The following ERLIN2 variants were observed in gnomAD, a reference collection of about 807,000 sequenced individuals.
ERLIN2 encodes erlin-2.
Under a neutral mutation model 41.5 loss-of-function variants are expected in ERLIN2, and 22 were observed. That is an observed-to-expected ratio of 0.53 (90% CI 0.38 to 0.76). ERLIN2 has a LOEUF of 0.76. Ranked by LOEUF, ERLIN2 falls within the 30% of genes least tolerant of loss-of-function variation. ERLIN2 has a pLI of 0.00. For missense variants in ERLIN2, 247 were observed against 414.3 expected (o/e 0.60, Z 3.51); for synonymous variants, 149 against 150.9 (o/e 0.99, Z 0.09).
chr8:37,738,682 T>C (rs925676348), intron 2 of ERLIN2, among the ~76,000 whole-genome samples: 3 of 152,146 alleles, frequency 2.0e-5, no homozygotes, highest in Non-Finnish European at 4.4e-5. Flanking sequence ...GCCCAGGAGA[T>C]TGAGACCAGC....
At chr8:37,746,694 C>A in intron 6 of ERLIN2, 1 of 218,768 alleles carries the variant, frequency 4.6e-6, no homozygotes, top group Non-Finnish European at 7.8e-6. Flanking sequence ...CGGATCTGAG[C>A]TGTCTTACCC....
At chr8:37,751,821 A>C in intron 10 of ERLIN2, 106 bp downstream of exon 10, 17 of 844,982 alleles carry the variant, frequency 2.0e-5, no homozygotes, top group Non-Finnish European at 3.2e-5. Context: ...CAAGGATGTC[A>C]TGATCTCTGT....
chr8:37,753,424 A>G, intron 10 of ERLIN2, 26 bp from the exon 11 acceptor site: 3 of 1,603,302 alleles, frequency 1.9e-6, no homozygotes, highest in Non-Finnish European at 1.7e-6. Flanking sequence ...CACTTCACCA[A>G]GTTCACTGCA....
intron 4 of ERLIN2, among the ~76,000 whole-genome samples, chr8:37,742,883 A>G (rs1055372792): frequency 2.0e-5 from 3 of 152,270 alleles, no homozygotes; most frequent in Non-Finnish European, 4.4e-5. Flanking sequence ...AAAGGTTTTT[A>G]GCAGATAAAT....
In ERLIN2 at chr8:37,757,786, A is replaced by T. The variant is rs1803393102; in HGVS notation, c.*3671A>T. 6.6e-6 allele frequency: 1 copy of T among 152,232 alleles called. No individual in the cohort carries two copies. Among genetic ancestry groups the T allele is most frequent in the South Asian group, 2.1e-4 (1 of 4,834 alleles). 9.4% of individuals were successfully genotyped at this position (152,232 alleles called of 1,614,324 possible). ...TCTAAAAATAAACAGATGAAAATCTATCCCCATTATCGATACAGAATTTGT... is the reference window on the plus strand; with the variant it reads ...TCTAAAAATAAACAGATGAAAATCTTTCCCCATTATCGATACAGAATTTGT... On this transcript the variant is annotated 3_prime_UTR_variant, in exon 12 of 12. Coordinates refer to ENST00000519638, the MANE Select transcript of ERLIN2 (RefSeq NM_007175.8).
Position 37,755,569 on chromosome 8 carries a change from A to ACCCCCCCC in ERLIN2, c.*1459_*1466dup, listed in dbSNP as rs1305006911. ...AGCTGACCCCCACCCCCCACCCCCC[A>ACCCCCCCC]CCCCCCCCCCCCGCCAACTCCTATA... On this transcript the variant is annotated 3_prime_UTR_variant, in exon 12 of 12. Transcript: ENST00000519638. 5.2e-5 allele frequency: 3 copies of ACCCCCCCC among 57,580 alleles called. No individual in the cohort carries two copies. Among genetic ancestry groups the ACCCCCCCC allele is most frequent in the East Asian group, 5.8e-4 (1 of 1,732 alleles). The allele number at this position is 57,580 out of a possible 1,614,324, so 3.6% of individuals were successfully genotyped here. A position where few individuals can be genotyped will look rare whatever the true frequency, so the allele number is the denominator to read the frequency against.
chr8:37,752,284 T>C (rs1311452599), intron 10 of ERLIN2, among the ~76,000 whole-genome samples: 3 of 152,198 alleles, frequency 2.0e-5, no homozygotes, highest in Non-Finnish European at 2.9e-5. Context: ...TGCACCTCCT[T>C]CCCACTGCCC....
chr8:37,747,307 C>T, intron 6 of ERLIN2: 1 of 928,612 alleles, frequency 1.1e-6, no homozygotes, highest in African/African-American at 1.6e-5. Flanking sequence ...ATGCTTGCCT[C>T]CAGTCTAGGG....
chr8:37,740,895 A>C (rs1251672996), intron 3 of ERLIN2, among the ~76,000 whole-genome samples: 1 of 152,194 alleles, frequency 6.6e-6, no homozygotes, highest in African/African-American at 2.4e-5. Context: ...GCAGATCTAA[A>C]GCCTGGCTAA....
At chr8:37,753,027 T>C (rs1010491573) in intron 10 of ERLIN2, among the ~76,000 whole-genome samples, 1 of 152,204 alleles carries the variant, frequency 6.6e-6, no homozygotes, top group African/African-American at 2.4e-5. Context: ...CTGCTTTTGC[T>C]ATGTAGCACA....
rs150288633 is a variant in ERLIN2, at chr8:37,750,322, A to T, written c.558-73A>T. On this transcript the variant is annotated intron_variant, in intron 8 of 11. Coordinates refer to ENST00000519638, the MANE Select transcript of ERLIN2 (RefSeq NM_007175.8). ...GGAGTTTGCCTCTCTTCAGCAGAAG[A>T]ATTCGACTTACCTGGGGATAGTGAA... is the stretch of plus-strand genomic sequence containing the variant. The T allele has an allele frequency of 2.3e-4, 274 of 1,187,688 alleles. No individual in the cohort carries two copies. In the African/African-American group the frequency reaches 3.4e-3, roughly 15 times the overall value. 73.6% of individuals were successfully genotyped at this position (1,187,688 alleles called of 1,614,324 possible). A position where few individuals can be genotyped will look rare whatever the true frequency, so the allele number is the denominator to read the frequency against.
At chr8:37,746,645 C>T (rs1450875630) in intron 6 of ERLIN2, 2 of 521,102 alleles carry the variant, frequency 3.8e-6, no homozygotes, top group Non-Finnish European at 4.9e-6. Context: ...GACTAGAGGG[C>T]AGCTCCCTTG....
Position 37,754,972 on chromosome 8 carries a change from G to T in ERLIN2, c.*857G>T, listed in dbSNP as rs1803320955. On this transcript the variant is annotated 3_prime_UTR_variant, in exon 12 of 12. Coordinates refer to ENST00000519638, the MANE Select transcript of ERLIN2 (RefSeq NM_007175.8). ...CTCTTAGCCACTGCAGGACCTGCCT[G>T]ACAGGTTATGTGTGCACCTCGAGAT... 1 of 152,312 alleles carries T rather than the reference G, an allele frequency of 6.6e-6. No individual in the cohort carries two copies. The highest frequency in any genetic ancestry group is 6.5e-5 in the Admixed American group (1 of 15,284). The allele number at this position is 152,312 out of a possible 1,614,324, so 9.4% of individuals were successfully genotyped here.
intron 8 of ERLIN2, 126 bp from the exon 9 acceptor site, chr8:37,750,269 A>G (rs559767629): frequency 1.8e-4 from 138 of 752,782 alleles, no homozygotes; most frequent in Non-Finnish European, 2.5e-4. Flanking sequence ...TGGGCCATCG[A>G]ACAGCCTTCC....
chr8:37,744,561 TC>T lies in ERLIN2; in HGVS notation c.299-7del. 6.2e-7 allele frequency: 1 copy of T among 1,614,102 alleles called. No homozygotes were observed. Among genetic ancestry groups the T allele is most frequent in the Non-Finnish European group, 8.5e-7 (1 of 1,179,992 alleles). Reference sequence around the variant, plus strand: ...CTTTTCTTATGCCAAGCCCTCTCCTTCCCTCTCAGTGTATGATATAGTGAAG... The same window carrying T: ...CTTTTCTTATGCCAAGCCCTCTCCTTCCTCTCAGTGTATGATATAGTGAAG... On this transcript the variant is annotated splice_polypyrimidine_tract_variant and intron_variant, in intron 5 of 11. Coordinates refer to ENST00000519638, the MANE Select transcript of ERLIN2 (RefSeq NM_007175.8).
In ERLIN2 at chr8:37,744,770, G is replaced by A. The variant is rs111777506; in HGVS notation, c.424+74G>A. 440 of 1,521,272 alleles carry A rather than the reference G, an allele frequency of 2.9e-4. 1 individual carries two copies. The African/African-American group carries it at 4.7e-3, about 16-fold the overall frequency. The allele number at this position is 1,521,272 out of a possible 1,614,324, so 94.2% of individuals were successfully genotyped here. A position where few individuals can be genotyped will look rare whatever the true frequency, so the allele number is the denominator to read the frequency against. ...ACCCCGCGTCTCTCCACTGCCTAAA[G>A]CCTGGCTGCCTGCAGGGTGTGATGG... is the stretch of plus-strand genomic sequence containing the variant. On this transcript the variant is annotated intron_variant, in intron 6 of 11. Transcript: ENST00000519638.
rs550806584 is a variant in ERLIN2 at position 37,742,086 on chromosome 8, G to C, written c.236+268G>C. Among the ~76,000 whole-genome samples, 4 of 152,276 alleles carry C rather than the reference G, an allele frequency of 2.6e-5. No homozygotes were observed. In the South Asian group the frequency reaches 8.3e-4, roughly 32 times the overall value. ...CGGCCGGGCGCGGTGGCTCACACCT[G>C]TAATCCCAGCACTTTGGGAGGCTGA... On this transcript the variant is annotated intron_variant, in intron 4 of 11. Coordinates refer to ENST00000519638, the MANE Select transcript of ERLIN2 (RefSeq NM_007175.8).
chr8:37,756,132 T>C lies in ERLIN2; in HGVS notation c.*2017T>C, dbSNP rs1585921269. The C allele has an allele frequency of 6.6e-6, 1 of 152,376 alleles. No individual in the cohort carries two copies. Among genetic ancestry groups the C allele is most frequent in the East Asian group, 1.9e-4 (1 of 5,182 alleles). 9.4% of individuals were successfully genotyped at this position (152,376 alleles called of 1,614,324 possible). A position where few individuals can be genotyped will look rare whatever the true frequency, so the allele number is the denominator to read the frequency against. ...TGAACTCGGGAGGCAGAGGTTGCAG[T>C]GAGCCAAGATCATGCCATCCCACTC... On this transcript the variant is annotated 3_prime_UTR_variant, in exon 12 of 12. Coordinates refer to ENST00000519638, the MANE Select transcript of ERLIN2 (RefSeq NM_007175.8).
chr8:37,743,236 G>T (rs1451287654), intron 4 of ERLIN2, among the ~76,000 whole-genome samples: 2 of 152,208 alleles, frequency 1.3e-5, no homozygotes, highest in Non-Finnish European at 2.9e-5. Context: ...AGATACGACA[G>T]AAACTATATG....
Sources: gnomAD v4.1 joint callset for allele counts (sites outside exome capture counted in the v4.1 genomes callset) on GRCh38, gnomAD v4.1.1 for gene constraint, MANE v1.5 for transcripts, NCBI Gene and HGNC (gene_info 2026-07-23, HGNC 2026-07-21) for gene names.